Variants in TMEM64 observed in about 807,000 individuals in gnomAD.
TMEM64 encodes the protein transmembrane protein 64.
A neutral mutation model predicts 24.5 loss-of-function variants in TMEM64; 19 were observed. The observed-to-expected ratio is 0.78, with a 90% CI of 0.54 to 1.14. The LOEUF is 1.14. Among genes scored for constraint, TMEM64 ranks in the 50% most tolerant of loss-of-function variants. The pLI, the probability that TMEM64 is intolerant of heterozygous loss-of-function variation, is 0.00. For missense variants in TMEM64, 487 were observed against 493.0 expected (o/e 0.99, Z 0.12); for synonymous variants, 262 against 224.7 (o/e 1.17, Z -1.49).
At chr8:90,627,528 G>A (rs541649136) in intron 2 of TMEM64, among the ~76,000 whole-genome samples, 3 of 152,110 alleles carry the variant, frequency 2.0e-5, no homozygotes, top group Non-Finnish European at 2.9e-5. Context: ...TGCTGAATTC[G>A]AGGTGCCTCT....
intron 2 of TMEM64, among the ~76,000 whole-genome samples, chr8:90,627,235 GT>G (rs1255966883): frequency 6.6e-6 from 1 of 152,094 alleles, no homozygotes; most frequent in Non-Finnish European, 1.5e-5. Context: ...TGGGGGTATG[GT>G]AAGTGTGAGA....
chr8:90,628,123 G>C (rs1417368627), intron 2 of TMEM64, among the ~76,000 whole-genome samples: 3 of 152,088 alleles, frequency 2.0e-5, no homozygotes, highest in African/African-American at 7.2e-5. Flanking sequence ...TGTTAAAAAG[G>C]GTTTAGAAAA....
At chr8:90,635,692 A>T (rs1809508600) in intron 1 of TMEM64, among the ~76,000 whole-genome samples, 1 of 152,208 alleles carries the variant, frequency 6.6e-6, no homozygotes, top group Non-Finnish European at 1.5e-5. Context: ...GAGCACTTAC[A>T]GGAGCAGAGA....
chr8:90,640,730 A>T (rs28568272), intron 1 of TMEM64, among the ~76,000 whole-genome samples: 26,145 of 152,176 alleles, frequency 0.17, 4,774 homozygotes, highest in African/African-American at 0.46. Context: ...ATGCAAACTC[A>T]AAGAAAACTT....
In TMEM64 at chr8:90,645,101, C is replaced by T. The variant is rs762204998; in HGVS notation, c.795+10G>A. ...CTTGGAGAGGGATAGGCCAGCGGGA[C>T]CCCACTTACCGAAAACACTGCATTC... On this transcript the variant is annotated intron_variant, in intron 1 of 2. Coordinates refer to ENST00000458549, the MANE Select transcript of TMEM64 (RefSeq NM_001008495.4). This position sits in a 1 kb window ranked among gnomAD's most constrained non-coding sequence, Gnocchi z 4.2. The T allele has an allele frequency of 2.5e-6, 4 of 1,594,808 alleles. No individual in the cohort carries two copies. The highest frequency in any genetic ancestry group is 2.3e-5 in the South Asian group (2 of 88,698).
chr8:90,628,513 G>C (rs1809393939), intron 2 of TMEM64, among the ~76,000 whole-genome samples: 1 of 152,202 alleles, frequency 6.6e-6, no homozygotes, highest in Non-Finnish European at 1.5e-5. Context: ...GCAGTGTCGA[G>C]AAACTAGGTG....
chr8:90,633,850 G>C (rs534480973), intron 1 of TMEM64, among the ~76,000 whole-genome samples: 1 of 152,104 alleles, frequency 6.6e-6, no homozygotes, highest in East Asian at 1.9e-4. Flanking sequence ...GGGATGTTAA[G>C]TGTTTTTCTT....
At chr8:90,641,022 T>C (rs760161849) in intron 1 of TMEM64, among the ~76,000 whole-genome samples, 2 of 152,212 alleles carry the variant, frequency 1.3e-5, no homozygotes, top group Non-Finnish European at 2.9e-5. Context: ...CAGTACCCAT[T>C]TATTGCTTTA....
At chr8:90,635,938 C>A (rs1422454736) in intron 1 of TMEM64, among the ~76,000 whole-genome samples, 1 of 152,098 alleles carries the variant, frequency 6.6e-6, no homozygotes, top group Non-Finnish European at 1.5e-5. Flanking sequence ...TAGATGACAT[C>A]AATAATATTC....
rs1213251907 is a variant in TMEM64 at position 90,645,423 on chromosome 8, C to A, written c.483G>T (p.Leu161=). 13 of 1,551,690 alleles carry A rather than the reference C, an allele frequency of 8.4e-6. No individual in the cohort carries two copies. Among genetic ancestry groups the A allele is most frequent in the Non-Finnish European group, 1.0e-5 (12 of 1,147,030 alleles). The change falls in exon 1 of 3, where the codon CTG becomes CTT. Residue 161 remains leucine (L), a synonymous_variant. Transcript: ENST00000458549. This position sits in a 1 kb window ranked among gnomAD's most constrained non-coding sequence, Gnocchi z 4.2. The part of the protein sequence containing the change: ...VESLDSLLGV[L]LFVVGFIVVS... ...CCACGATGAAGCCCACGACGAAGAG[C>A]AGGACCCCCAGCAGCGAGTCAAGGC...
At chr8:90,635,195 A>G (rs1809497778) in intron 1 of TMEM64, among the ~76,000 whole-genome samples, 1 of 152,130 alleles carries the variant, frequency 6.6e-6, no homozygotes, top group Non-Finnish European at 1.5e-5. Flanking sequence ...ATTAAAGAAT[A>G]AAGGATGAAA....
intron 1 of TMEM64, among the ~76,000 whole-genome samples, chr8:90,642,733 G>A (rs1051476016): frequency 6.6e-6 from 1 of 150,542 alleles, no homozygotes; most frequent in Admixed American, 6.6e-5. Flanking sequence ...ATATCCAGGG[G>A]CTTCACAGTC....
chr8:90,642,374 C>G (rs1316013723), intron 1 of TMEM64, among the ~76,000 whole-genome samples: 1 of 151,548 alleles, frequency 6.6e-6, no homozygotes, highest in Admixed American at 6.6e-5. Flanking sequence ...ATGAATTTCT[C>G]TAATTATGGG....
chr8:90,636,254 T>A (rs1391088401), intron 1 of TMEM64, among the ~76,000 whole-genome samples: 3 of 152,222 alleles, frequency 2.0e-5, no homozygotes, highest in African/African-American at 7.2e-5. Flanking sequence ...ATTTTATTTT[T>A]GTTTTATATA....
In TMEM64 at chr8:90,645,637, C is replaced by G; in HGVS notation, c.269G>C (p.Gly90Ala). The G allele has an allele frequency of 6.5e-7, 1 of 1,532,994 alleles. No homozygotes were observed. The highest frequency in any genetic ancestry group is 8.7e-7 in the Non-Finnish European group (1 of 1,144,706). 95.0% of individuals were successfully genotyped at this position (1,532,994 alleles called of 1,614,324 possible). A position where few individuals can be genotyped will look rare whatever the true frequency, so the allele number is the denominator to read the frequency against. ...ELPEPGGALA[G>A]GPGSGGGGVV... Reference sequence around the variant, plus strand: ...GCCGCCGCCGCCACTCCCGGGGCCGCCCGCCAAGGCCCCGCCCGGCTCCGG... The same window carrying G: ...GCCGCCGCCGCCACTCCCGGGGCCGGCCGCCAAGGCCCCGCCCGGCTCCGG... The change falls in exon 1 of 3, where the codon GGC becomes GCC. Residue 90 changes from glycine to alanine, a missense_variant. Physicochemically the swap from Gly to Ala is moderately conservative, Grantham distance 60. This residue lies in a region of TMEM64 where 419 missense variants were observed against 407.5 expected (regional missense o/e 1.03). Coordinates refer to ENST00000458549, the MANE Select transcript of TMEM64 (RefSeq NM_001008495.4). This position sits in a 1 kb window ranked among gnomAD's most constrained non-coding sequence, Gnocchi z 4.2.
In TMEM64 at chr8:90,645,544, C is replaced by T. The variant is rs1331093057; in HGVS notation, c.362G>A (p.Arg121Gln). 1 of 1,548,180 alleles carries T rather than the reference C, an allele frequency of 6.5e-7. No individual in the cohort carries two copies. Among genetic ancestry groups the T allele is most frequent in the Non-Finnish European group, 8.7e-7 (1 of 1,146,898 alleles). The change falls in exon 1 of 3, where the codon CGG (arginine) becomes CAG (glutamine). Residue 121 changes from arginine to glutamine, a missense_variant. This residue lies in a region of TMEM64 where 419 missense variants were observed against 407.5 expected (regional missense o/e 1.03). Transcript: ENST00000458549. This position sits in a 1 kb window ranked among gnomAD's most constrained non-coding sequence, Gnocchi z 4.2. ...CCCLGSTCWC[R>Q]SLVLVCVLAA... Reference sequence around the variant, plus strand: ...CAACACGCAGACCAGCACGAGGCTCCGGCACCAACAGGTGCTGCCGAGGCA... The same window carrying T: ...CAACACGCAGACCAGCACGAGGCTCTGGCACCAACAGGTGCTGCCGAGGCA...
chr8:90,637,244 G>C (rs1045924622), intron 1 of TMEM64, among the ~76,000 whole-genome samples: 1 of 152,234 alleles, frequency 6.6e-6, no homozygotes, highest in African/African-American at 2.4e-5. Flanking sequence ...AGCTGGGGTT[G>C]TGGTCGGTCC....
rs1231730165 is a variant in TMEM64, at chr8:90,638,895, TACC to T, written c.795+6213_795+6215del. Among the ~76,000 whole-genome samples, 5 of 152,300 alleles carry T rather than the reference TACC, an allele frequency of 3.3e-5. No individual in the cohort carries two copies. The East Asian group carries it at 9.7e-4, about 29-fold the overall frequency. On this transcript the variant is annotated intron_variant, in intron 1 of 2. Coordinates refer to ENST00000458549, the MANE Select transcript of TMEM64 (RefSeq NM_001008495.4). ...GAATGCTATTTCTCCACTGGAATGCTACCACCTCAAGGGAGAGACTTTCTTTTA... is the reference window on the plus strand; with the variant it reads ...GAATGCTATTTCTCCACTGGAATGCTACCTCAAGGGAGAGACTTTCTTTTA...
chr8:90,633,198 T>G (rs188981106), intron 1 of TMEM64, among the ~76,000 whole-genome samples: 1 of 152,316 alleles, frequency 6.6e-6, no homozygotes, highest in Non-Finnish European at 1.5e-5. Context: ...TGAATAGGAC[T>G]TCCACTTCTT....
Sources: allele counts gnomAD v4.1 joint callset (sites outside exome capture counted in the v4.1 genomes callset), GRCh38; gene constraint gnomAD v4.1.1; regional missense constraint gnomAD v4.1.1; non-coding constraint Gnocchi (gnomAD v3.1); transcripts MANE v1.5; gene names NCBI Gene and HGNC (gene_info 2026-07-23, HGNC 2026-07-21).